The following KLHDC4 variants were observed in gnomAD, a reference collection of about 807,000 sequenced individuals.
KLHDC4 encodes the protein kelch domain containing 4.
KLHDC4 carries 90 observed loss-of-function variants against 62.4 expected under a neutral mutation model. The observed-to-expected ratio is 1.44, with a 90% confidence interval of 1.22 to 1.72. KLHDC4 has a LOEUF of 1.72. KLHDC4 is among the 40% of genes most tolerant of loss of function. The pLI is 0.00. For synonymous variants in KLHDC4, 386 were observed against 284.4 expected, an observed-to-expected ratio of 1.36 and a Z score of -3.59; for missense variants, 1,025 against 699.7, an observed-to-expected ratio of 1.47 and a Z score of -5.25.
chr16:87,709,070 C>T (rs60515490), intron 10 of KLHDC4, among the ~76,000 whole-genome samples, 195 bp downstream of exon 10: 5,110 of 152,364 alleles, frequency 0.034, 128 homozygotes, highest in African/African-American at 0.07. Flanking sequence ...AAAGGACAGA[C>T]GTGCCCAGGG....
chr16:87,749,823 G>A (rs925359102), intron 4 of KLHDC4, among the ~76,000 whole-genome samples: 10 of 152,114 alleles, frequency 6.6e-5, no homozygotes, highest in South Asian at 2.1e-4. Context: ...CAATTCTCCC[G>A]CCTCGGCCTC....
intron 2 of KLHDC4, among the ~76,000 whole-genome samples, 165 bp downstream of exon 2, chr16:87,761,784 T>C (rs1188293873): frequency 6.6e-6 from 1 of 152,172 alleles, no homozygotes; most frequent in Non-Finnish European, 1.5e-5. Context: ...CAGTAAAGCT[T>C]ACAGCCTCAT....
In KLHDC4 at chr16:87,709,439, G is replaced by C; in HGVS notation, c.1273C>G (p.Pro425Ala). ...DEDSLEEAGS[P>A]APGPCPRSNA... is the part of the protein sequence containing the mutation. The stretch of plus-strand genomic sequence containing the variant: ...GAGCGTGGACACGGCCCAGGTGCGG[G>C]GCTGCCGGCCTCCTCAAGGCTGTCT... The change falls in exon 10 of 12, where the codon CCC (proline) becomes GCC (alanine). Residue 425 changes from proline (P) to alanine (A), a missense_variant. By Grantham distance (27) the Pro-to-Ala change is conservative. Coordinates refer to ENST00000270583, the MANE Select transcript of KLHDC4 (RefSeq NM_017566.4). The C allele has an allele frequency of 6.2e-7, 1 of 1,612,660 alleles. No individual in the cohort carries two copies. Among genetic ancestry groups the C allele is most frequent in the Non-Finnish European group, 8.5e-7 (1 of 1,179,912 alleles).
In KLHDC4 at chr16:87,748,663, G is replaced by T. The variant is rs1419024617; in HGVS notation, c.506+10C>A. The T allele has an allele frequency of 6.2e-7, 1 of 1,613,528 alleles. No homozygotes were observed. The highest frequency in any genetic ancestry group is 1.1e-5 in the South Asian group (1 of 91,020). On this transcript the variant is annotated intron_variant, in intron 5 of 11. Coordinates refer to ENST00000270583, the MANE Select transcript of KLHDC4 (RefSeq NM_017566.4). The stretch of plus-strand genomic sequence containing the variant: ...ATGCCCGGAGCTCAGCTTCTCATCT[G>T]GCTTCTTACTTGACTTGTTCCCAGG...
At chr16:87,727,052 C>T in intron 6 of KLHDC4, 128 bp from the exon 7 acceptor site, 2 of 956,086 alleles carry the variant, frequency 2.1e-6, no homozygotes, top group Non-Finnish European at 3.1e-6. Flanking sequence ...CATTTTTCTC[C>T]TCTGCTCTTA....
chr16:87,749,211 C>T (rs1439786365), intron 4 of KLHDC4, among the ~76,000 whole-genome samples: 1 of 152,024 alleles, frequency 6.6e-6, no homozygotes. Context: ...CCTCTCCTTG[C>T]TATCATGTGC....
chr16:87,762,184 T>C (rs551478875), intron 1 of KLHDC4, 144 bp from the exon 2 acceptor site: 1 of 1,456,628 alleles, frequency 6.9e-7, no homozygotes, highest in Admixed American at 2.8e-5. Flanking sequence ...CTGTTTGAAA[T>C]GCAGAGTTTG....
intron 1 of KLHDC4, among the ~76,000 whole-genome samples, chr16:87,764,276 G>A (rs1023221949): frequency 2.6e-5 from 4 of 152,102 alleles, no homozygotes; most frequent in African/African-American, 7.2e-5. Context: ...GGCCTGACAG[G>A]CTCTCTCTCT....
At chr16:87,720,002 G>A (rs1369703298) in intron 7 of KLHDC4, among the ~76,000 whole-genome samples, 1 of 152,184 alleles carries the variant, frequency 6.6e-6, no homozygotes, top group Non-Finnish European at 1.5e-5. Context: ...CCCCTGATGA[G>A]ACCCCACCTC....
chr16:87,748,535 C>A, intron 5 of KLHDC4, 138 bp downstream of exon 5: 1 of 1,108,516 alleles, frequency 9.0e-7, no homozygotes, highest in Non-Finnish European at 1.3e-6. Context: ...TCCCAGGACC[C>A]AGCGAGGCTG....
intron 7 of KLHDC4, among the ~76,000 whole-genome samples, chr16:87,721,413 C>CT (rs1269387608): frequency 4.0e-3 from 353 of 88,238 alleles, no homozygotes; most frequent in Admixed American, 6.2e-3. Context: ...GACTCTGTCT[C>CT]TAAAAAAAAA....
intron 7 of KLHDC4, among the ~76,000 whole-genome samples, chr16:87,718,600 C>T (rs1199356497): frequency 2.6e-5 from 4 of 151,948 alleles, no homozygotes; most frequent in Admixed American, 2.6e-4. Context: ...AGCCACCTGC[C>T]TTGGCCTCCC....
chr16:87,754,370 C>T (rs1042357421), intron 4 of KLHDC4, among the ~76,000 whole-genome samples: 4 of 152,152 alleles, frequency 2.6e-5, no homozygotes, highest in African/African-American at 4.8e-5. Context: ...CAAATACAAG[C>T]GTATACAAAT....
At position 87,744,232 on chromosome 16, in the gene KLHDC4, G is replaced by A. The variant is rs770638667; in HGVS notation, c.506+4441C>T. On this transcript the variant is annotated intron_variant, in intron 5 of 11. Transcript: ENST00000270583. The stretch of plus-strand genomic sequence containing the variant: ...GGAGTTCAAGACCAGCCTGACCAAC[G>A]TGAAGAAACCCCATCTCTACTAAAA... Among the ~76,000 whole-genome samples the A allele has an allele frequency of 1.6e-4, 24 of 152,142 alleles. No homozygotes were observed. In the East Asian group the frequency reaches 2.9e-3, roughly 18 times the overall value.
intron 1 of KLHDC4, among the ~76,000 whole-genome samples, chr16:87,763,069 C>T (rs2046117048): frequency 1.3e-5 from 2 of 152,194 alleles, no homozygotes; most frequent in African/African-American, 4.8e-5. Flanking sequence ...GGGTACACTG[C>T]TTAGTATTCT....
At chr16:87,739,852 A>G (rs934557416) in intron 5 of KLHDC4, 6 of 152,244 alleles carry the variant, frequency 3.9e-5, no homozygotes, top group Non-Finnish European at 7.3e-5. Context: ...TGTCTGCTAA[A>G]AAGACGGTTT....
chr16:87,727,983 C>T (rs925821790), intron 6 of KLHDC4, among the ~76,000 whole-genome samples: 5 of 152,076 alleles, frequency 3.3e-5, no homozygotes, highest in Middle Eastern at 3.2e-3. Flanking sequence ...GCGAGGAGTT[C>T]AAAAACAGCC....
downstream of KLHDC4, among the ~76,000 whole-genome samples, chr16:87,707,383 C>T (rs2142895622): frequency 6.6e-6 from 1 of 152,330 alleles, no homozygotes; most frequent in Non-Finnish European, 1.5e-5. Context: ...GGGATGGTCC[C>T]ACCACAGCCT....
chr16:87,711,255 A>C lies in KLHDC4; in HGVS notation c.1024T>G (p.Trp342Gly). 1 of 1,614,008 alleles carries C rather than the reference A, an allele frequency of 6.2e-7. No homozygotes were observed. The highest frequency in any genetic ancestry group is 1.1e-5 in the South Asian group (1 of 91,070). Residue 342 changes from tryptophan (W) to glycine (G), a missense_variant, in exon 9 of 12, where the codon TGG becomes GGG. Physicochemically the swap from Trp to Gly is radical, Grantham distance 184. Transcript: ENST00000270583. Reference sequence around the variant, plus strand: ...ACTACCTTCAGCTGTCCCTCAAACCAACGGTTCCTGGTGGCGTCGTAGAAG... The same window carrying C: ...ACTACCTTCAGCTGTCCCTCAAACCCACGGTTCCTGGTGGCGTCGTAGAAG... ...LYFYDATRNRWFEGQLKGPKS... is the reference protein window; with the variant it reads ...LYFYDATRNRGFEGQLKGPKS...
Sources: allele counts gnomAD v4.1 joint callset (sites outside exome capture counted in the v4.1 genomes callset), GRCh38; gene constraint gnomAD v4.1.1; transcripts MANE v1.5; gene names NCBI Gene and HGNC (gene_info 2026-07-23, HGNC 2026-07-21).